The following EGF variants were observed in gnomAD, a reference collection of about 807,000 sequenced individuals.
The protein encoded by EGF is pro-epidermal growth factor.
In EGF, 95 loss-of-function variants were observed where a neutral mutation model predicts 143.8. The observed-to-expected ratio is 0.66, with a 90% CI of 0.56 to 0.78. The LOEUF (loss-of-function observed/expected upper bound fraction) is 0.78. Among genes scored for constraint, EGF ranks in the 30% least tolerant of loss-of-function variants. The pLI is 0.00. For missense variants in EGF, 1,320 were observed against 1,470.9 expected, an observed-to-expected ratio of 0.90 and a Z score of 1.68; for synonymous variants, 510 against 510.5, an observed-to-expected ratio of 1.00 and a Z score of 0.01.
At chr4:110,002,052 A>G (rs1752637250) in intron 21 of EGF, 1 of 985,096 alleles carries the variant, frequency 1.0e-6, no homozygotes, top group South Asian at 4.7e-5. Context: ...ACCAACAAAT[A>G]CAGCTCTAAC....
chr4:109,926,884 G>A (rs1056034954), intron 1 of EGF, among the ~76,000 whole-genome samples: 2 of 151,880 alleles, frequency 1.3e-5, no homozygotes, highest in South Asian at 2.1e-4. Flanking sequence ...ATAGATGTTG[G>A]AGATGTTTCC....
At chr4:109,984,610 C>T (rs974959172) in intron 16 of EGF, among the ~76,000 whole-genome samples, 1 of 152,036 alleles carries the variant, frequency 6.6e-6, no homozygotes, top group Admixed American at 6.6e-5. Context: ...TCACATCCCA[C>T]CAATAATACT....
chr4:109,961,847 G>T lies in EGF; in HGVS notation c.1190-16G>T, dbSNP rs779652814. On this transcript the variant is annotated splice_polypyrimidine_tract_variant and intron_variant, in intron 7 of 23. Transcript: ENST00000265171. ...CCGATTTAACACTAATCTTGACCTT[G>T]TTCTTTATTAATTAGAACTTGTTTC... The T allele has an allele frequency of 4.7e-5, 76 of 1,613,204 alleles. No individual in the cohort carries two copies. The highest frequency in any genetic ancestry group is 6.3e-5 in the Non-Finnish European group (74 of 1,179,500).
intron 1 of EGF, among the ~76,000 whole-genome samples, chr4:109,933,846 A>G (rs1010285785): frequency 4.6e-5 from 7 of 152,176 alleles, no homozygotes; most frequent in African/African-American, 1.7e-4. Flanking sequence ...GGTTGGTTCC[A>G]AGTCTTTGCT....
chr4:110,009,870 A>C (rs1273430535), intron 23 of EGF, among the ~76,000 whole-genome samples: 1 of 152,236 alleles, frequency 6.6e-6, no homozygotes, highest in Non-Finnish European at 1.5e-5. Context: ...ATCAGTTGAC[A>C]CAGGTTAAGT....
intron 20 of EGF, among the ~76,000 whole-genome samples, chr4:109,997,428 G>C (rs572026939): frequency 1.3e-5 from 2 of 152,150 alleles, no homozygotes; most frequent in East Asian, 3.9e-4. Context: ...TTACCAGCCC[G>C]GGTAACATGG....
Position 109,938,024 on chromosome 4 carries a change from G to A in EGF, c.128-2922G>A, listed in dbSNP as rs148833685. On this transcript the variant is annotated intron_variant, in intron 1 of 23. Transcript: ENST00000265171. Reference sequence around the variant, plus strand: ...CTCTTCTCGAGGAGTATCTTTGGGGGTGTTCTCTGTATTTCCTGAATTTGA... The same window carrying A: ...CTCTTCTCGAGGAGTATCTTTGGGGATGTTCTCTGTATTTCCTGAATTTGA... Among the ~76,000 whole-genome samples, 50 of 152,158 alleles carry A rather than the reference G, an allele frequency of 3.3e-4. 1 individual carries two copies. In the East Asian group the frequency reaches 9.3e-3, roughly 28 times the overall value.
At chr4:109,925,538 G>A (rs947453977) in intron 1 of EGF, among the ~76,000 whole-genome samples, 3 of 152,150 alleles carry the variant, frequency 2.0e-5, no homozygotes, top group African/African-American at 7.2e-5. Context: ...GACACGGAGA[G>A]GTTAAGTCAT....
rs771329008 is a variant in EGF, at chr4:109,964,538, G to T, written c.1575+1G>T. On this transcript the variant is annotated splice_donor_variant, in intron 10 of 23. Coordinates refer to ENST00000265171, the MANE Select transcript of EGF (RefSeq NM_001963.6). LOFTEE classifies it high-confidence loss of function. ...AGATCATGACCCTGTGGAAAATAAGGTATGGTTTTGTTACTTGAACAGATG... is the reference window on the plus strand; with the variant it reads ...AGATCATGACCCTGTGGAAAATAAGTTATGGTTTTGTTACTTGAACAGATG... 1.9e-6 allele frequency: 3 copies of T among 1,613,764 alleles called. No individual in the cohort carries two copies. Among genetic ancestry groups the T allele is most frequent in the Admixed American group, 1.7e-5 (1 of 60,004 alleles).
intron 21 of EGF, chr4:110,001,705 A>G: frequency 8.1e-6 from 8 of 985,476 alleles, no homozygotes; most frequent in Non-Finnish European, 9.6e-6. Flanking sequence ...TTCAAAGACC[A>G]GCTCAGCTGA....
Position 109,969,024 on chromosome 4 carries a change from T to C in EGF, c.1629T>C (p.Gly543=), listed in dbSNP as rs534022803. 1.2e-6 allele frequency: 2 copies of C among 1,613,944 alleles called. No individual in the cohort carries two copies. Among genetic ancestry groups the C allele is most frequent in the Non-Finnish European group, 1.7e-6 (2 of 1,180,012 alleles). ...GGATAGAGAGAGCTAATATGGATGGTTCCCAGCGAGAAAGGCTTATTGAGG... is the reference window on the plus strand; with the variant it reads ...GGATAGAGAGAGCTAATATGGATGGCTCCCAGCGAGAAAGGCTTATTGAGG... ...LKWIERANMD[G]SQRERLIEEG... The change falls in exon 11 of 24, where the codon GGT becomes GGC. Residue 543 remains glycine, a synonymous_variant. Coordinates refer to ENST00000265171, the MANE Select transcript of EGF (RefSeq NM_001963.6).
chr4:109,942,620 G>T (rs745379290), intron 2 of EGF, among the ~76,000 whole-genome samples: 1 of 152,146 alleles, frequency 6.6e-6, no homozygotes, highest in East Asian at 1.9e-4. Flanking sequence ...TTACCTGCCC[G>T]TGGCTGAAAT....
rs1301040878 is a variant in EGF, at chr4:109,932,209, TTTC to T, written c.128-8733_128-8731del. 2.6e-5 allele frequency among the ~76,000 whole-genome samples: 4 copies of T among 151,576 alleles called. No individual in the cohort carries two copies. The East Asian group carries it at 7.7e-4, about 29-fold the overall frequency. On this transcript the variant is annotated intron_variant, in intron 1 of 23. Transcript: ENST00000265171. ...AGCGCAAATAAACAGAACACAATTA[TTTC>T]TTCATTAGTTTATTGATTTATTCAA...
chr4:109,924,394 AT>A, intron 1 of EGF, among the ~76,000 whole-genome samples: 1 of 151,864 alleles, frequency 6.6e-6, no homozygotes, highest in Admixed American at 6.5e-5. Flanking sequence ...CTAGTTCTCT[AT>A]GTTGAAAGCA....
intron 11 of EGF, among the ~76,000 whole-genome samples, chr4:109,972,104 G>A (rs943811920): frequency 6.6e-6 from 1 of 152,066 alleles, no homozygotes; most frequent in Non-Finnish European, 1.5e-5. Context: ...TAGAAGGAGG[G>A]TGAGTTTTTC....
chr4:109,991,294 G>T (rs990834980), intron 18 of EGF, among the ~76,000 whole-genome samples: 2 of 152,086 alleles, frequency 1.3e-5, no homozygotes, highest in Admixed American at 1.3e-4. Flanking sequence ...TCTAATGTGT[G>T]TTTTATACTC....
intron 20 of EGF, 140 bp from the exon 21 acceptor site, chr4:109,999,539 C>A (rs934489538): frequency 6.2e-5 from 65 of 1,048,198 alleles, no homozygotes; most frequent in Non-Finnish European, 9.2e-5. Flanking sequence ...TTCAACTGAC[C>A]CCTGATGGAT....
chr4:109,964,427 A>G lies in EGF; in HGVS notation c.1465A>G (p.Asn489Asp). The G allele has an allele frequency of 1.2e-6, 2 of 1,614,000 alleles. No individual in the cohort carries two copies. Among genetic ancestry groups the G allele is most frequent in the Non-Finnish European group, 1.7e-6 (2 of 1,179,874 alleles). The change falls in exon 10 of 24, where the codon AAT (asparagine) becomes GAT (aspartate). Residue 489 changes from asparagine to aspartate, a missense_variant. Physicochemically the swap from Asn to Asp is conservative, Grantham distance 23 (BLOSUM62 1). Around this residue, in one of 5 missense-constraint regions of EGF, gnomAD observed 1,186 missense variants for 1,313.7 expected, o/e 0.90. Transcript: ENST00000265171. Reference protein sequence around the residue: ...SGPQPFLLFANSQDIRHMHFD... With the variant: ...SGPQPFLLFADSQDIRHMHFD... ...ACCACAACCATTTTTGCTGTTTGCC[A>G]ATTCTCAAGATATTCGACACATGCA... is the stretch of plus-strand genomic sequence containing the variant.
chr4:109,974,571 AG>A, intron 11 of EGF, 131 bp from the exon 12 acceptor site: 1 of 686,170 alleles, frequency 1.5e-6, no homozygotes, highest in Non-Finnish European at 2.6e-6. Context: ...AGTAAGAGAT[AG>A]GGAGAGAGAA....
Sources: allele counts gnomAD v4.1 joint callset (sites outside exome capture counted in the v4.1 genomes callset), GRCh38; gene constraint gnomAD v4.1.1; regional missense constraint gnomAD v4.1.1; transcripts MANE v1.5; gene names NCBI Gene and HGNC (gene_info 2026-07-23, HGNC 2026-07-21).